The following RABGAP1L variants were observed in gnomAD, a reference collection of about 807,000 sequenced individuals.
RABGAP1L encodes the protein rab GTPase-activating protein 1-like.
Under a neutral mutation model 137.7 loss-of-function variants are expected in RABGAP1L, and 63 were observed. The observed-to-expected ratio is 0.46, with a 90% CI of 0.37 to 0.56. The LOEUF is 0.56. RABGAP1L is among the 20% of genes least tolerant of loss of function. The probability of loss-of-function intolerance (pLI) is 0.00; values close to 1 mark genes in which losing one functional copy is unlikely to be tolerated. For missense variants in RABGAP1L, 1,095 were observed against 1,244.0 expected, an observed-to-expected ratio of 0.88 and a Z score of 1.80; for synonymous variants, 431 against 433.7, an observed-to-expected ratio of 0.99 and a Z score of 0.08.
At chr1:174,280,684 G>A (rs1370329342) in intron 10 of RABGAP1L, among the ~76,000 whole-genome samples, 2 of 152,180 alleles carry the variant, frequency 1.3e-5, no homozygotes, top group African/African-American at 4.8e-5. Context: ...TCCATTTACT[G>A]GGAGCAAGGA....
chr1:174,278,918 A>G (rs958133707), intron 10 of RABGAP1L, 139 bp downstream of exon 10: 1 of 779,176 alleles, frequency 1.3e-6, no homozygotes, highest in African/African-American at 1.8e-5. Flanking sequence ...AAGTCAACCA[A>G]TAGAGTGTTT....
chr1:174,554,447 A>C (rs939720724), intron 13 of RABGAP1L, among the ~76,000 whole-genome samples: 1 of 152,168 alleles, frequency 6.6e-6, no homozygotes, highest in Non-Finnish European at 1.5e-5. Context: ...TGTGAGTTAA[A>C]ATAATCTTAG....
intron 17 of RABGAP1L, among the ~76,000 whole-genome samples, chr1:174,718,157 C>A (rs562786771): frequency 6.6e-6 from 1 of 152,132 alleles, no homozygotes; most frequent in Non-Finnish European, 1.5e-5. Context: ...TTATTTTATT[C>A]TTTTGCCCTG....
intron 12 of RABGAP1L, among the ~76,000 whole-genome samples, chr1:174,386,831 A>G (rs1686836472): frequency 1.3e-5 from 2 of 152,156 alleles, no homozygotes; most frequent in Admixed American, 1.3e-4. Flanking sequence ...AAGAGCATGT[A>G]GAAGTTCTAG....
intron 13 of RABGAP1L, among the ~76,000 whole-genome samples, chr1:174,403,284 T>C (rs370439984): frequency 7.6e-5 from 11 of 145,634 alleles, no homozygotes; most frequent in South Asian, 2.1e-4. Context: ...TCTTCTCTCT[T>C]TTTTTTTTTT....
chr1:174,542,025 G>A (rs1317185736), intron 13 of RABGAP1L, among the ~76,000 whole-genome samples: 1 of 152,212 alleles, frequency 6.6e-6, no homozygotes, highest in Non-Finnish European at 1.5e-5. Flanking sequence ...TTGCATCAAT[G>A]TTCATCAGGG....
chr1:174,269,942 G>A (rs1261434662), intron 7 of RABGAP1L, among the ~76,000 whole-genome samples: 1 of 152,158 alleles, frequency 6.6e-6, no homozygotes, highest in Non-Finnish European at 1.5e-5. Context: ...CCTATTAGGT[G>A]TTAATGTTAC....
chr1:174,623,151 A>G (rs1444045020), intron 13 of RABGAP1L, among the ~76,000 whole-genome samples: 2 of 152,232 alleles, frequency 1.3e-5, no homozygotes, highest in African/African-American at 2.4e-5. Flanking sequence ...GAAAGTTTTC[A>G]TAATTAACAC....
intron 14 of RABGAP1L, among the ~76,000 whole-genome samples, chr1:174,662,150 C>CCT (rs1284683446): frequency 7.3e-6 from 1 of 136,066 alleles, no homozygotes; most frequent in East Asian, 2.2e-4. Context: ...GTCGCCCAGG[C>CCT]TGTAGTGCAA....
intron 18 of RABGAP1L, among the ~76,000 whole-genome samples, chr1:174,783,584 ATTGCG>A (rs1457633379): frequency 1.3e-5 from 2 of 152,182 alleles, no homozygotes; most frequent in African/African-American, 4.8e-5. Flanking sequence ...TTCAAATAGA[ATTGCG>A]ACAACTTACT....
intron 13 of RABGAP1L, among the ~76,000 whole-genome samples, chr1:174,414,536 G>A (rs186411956): frequency 2.8e-4 from 42 of 151,982 alleles, no homozygotes; most frequent in African/African-American, 9.4e-4. Flanking sequence ...TACTTTATAT[G>A]CCCAGGGCCT....
At chr1:174,352,791 G>A (rs780361655) in intron 11 of RABGAP1L, among the ~76,000 whole-genome samples, 9 of 152,204 alleles carry the variant, frequency 5.9e-5, no homozygotes, top group East Asian at 1.9e-4. Context: ...GTATATCTGC[G>A]TTAGAGGGCA....
intron 11 of RABGAP1L, among the ~76,000 whole-genome samples, chr1:174,359,351 C>G (rs1213610824): frequency 6.6e-6 from 1 of 152,202 alleles, no homozygotes; most frequent in African/African-American, 2.4e-5. Context: ...TTCTTCCTCT[C>G]TGGCAGGCTG....
chr1:174,412,579 T>C (rs1438361465), intron 13 of RABGAP1L, among the ~76,000 whole-genome samples: 1 of 152,102 alleles, frequency 6.6e-6, no homozygotes. Flanking sequence ...CTTAAGTGTG[T>C]TTTTGGGTAG....
chr1:174,722,438 T>A (rs2148594757), intron 17 of RABGAP1L, among the ~76,000 whole-genome samples: 1 of 152,156 alleles, frequency 6.6e-6, no homozygotes, highest in South Asian at 2.1e-4. Flanking sequence ...CCATTTTTCC[T>A]TTTTTATCGC....
At chr1:174,400,062 A>G (rs535448888) in intron 13 of RABGAP1L, among the ~76,000 whole-genome samples, 9 of 152,330 alleles carry the variant, frequency 5.9e-5, no homozygotes, top group Non-Finnish European at 1.3e-4. Flanking sequence ...CACATTCTGA[A>G]GCATTCTTTC....
chr1:174,953,606 G>C (rs367923014), intron 19 of RABGAP1L, among the ~76,000 whole-genome samples: 1 of 152,110 alleles, frequency 6.6e-6, no homozygotes, highest in South Asian at 2.1e-4. Context: ...GAATTATAAC[G>C]CTCTGAGTAT....
rs1184262963 is a variant in RABGAP1L at position 174,518,100 on chromosome 1, G to A, written c.1711-119275G>A. Among the ~76,000 whole-genome samples, 4 of 152,116 alleles carry A rather than the reference G, an allele frequency of 2.6e-5. No homozygotes were observed. The South Asian group carries it at 6.2e-4, about 24-fold the overall frequency. On this transcript the variant is annotated intron_variant, in intron 13 of 25. Transcript: ENST00000681986. ...GGAAGTTAAAAGCAAACAAAAATGC[G>A]CATTAAAAAATGAAAACCAGAAAAC...
chr1:174,502,577 T>TATATAA (rs1661390434), intron 13 of RABGAP1L, among the ~76,000 whole-genome samples: 1 of 28,970 alleles, frequency 3.5e-5, no homozygotes, highest in African/African-American at 3.0e-4. Flanking sequence ...AAGTACACGG[T>TATATAA]ATATATATAT....
Sources: gnomAD v4.1 joint callset for allele counts (sites outside exome capture counted in the v4.1 genomes callset) on GRCh38, gnomAD v4.1.1 for gene constraint, MANE v1.5 for transcripts, NCBI Gene and HGNC (gene_info 2026-07-23, HGNC 2026-07-21) for gene names.